ROBO2: variants seen among roughly 807,000 people sequenced by gnomAD.
The protein encoded by ROBO2 is roundabout homolog 2.
Under a neutral mutation model 160.8 loss-of-function variants are expected in ROBO2, and 53 were observed. The observed-to-expected ratio is 0.33, with a 90% CI of 0.26 to 0.41. The LOEUF is 0.41. ROBO2 is among the 10% of genes least tolerant of loss of function. The pLI, the probability that ROBO2 is intolerant of heterozygous loss-of-function variation, is 1.00. For missense variants in ROBO2, 1,577 were observed against 1,722.4 expected, an observed-to-expected ratio of 0.92 and a Z score of 1.49; for synonymous variants, 664 against 611.7, an observed-to-expected ratio of 1.09 and a Z score of -1.26.
intron 2 of ROBO2, among the ~76,000 whole-genome samples, chr3:77,415,152 T>A (rs1486933469): frequency 6.6e-6 from 1 of 152,114 alleles, no homozygotes; most frequent in Non-Finnish European, 1.5e-5. Context: ...AGTGCAGAAA[T>A]AGGGAAATAA....
chr3:76,371,211 G>A (rs1390869535), intron 2 of ROBO2, among the ~76,000 whole-genome samples: 1 of 151,908 alleles, frequency 6.6e-6, no homozygotes, highest in Non-Finnish European at 1.5e-5. Context: ...GAAGAAGTTT[G>A]CTTCATTAAA....
chr3:76,290,006 G>GA (rs1202370340), intron 2 of ROBO2, among the ~76,000 whole-genome samples: 16 of 151,768 alleles, frequency 1.1e-4, no homozygotes, highest in Admixed American at 1.1e-3. Context: ...TTTTAGAATA[G>GA]TTTTTTTTCC....
chr3:77,095,137 A>C (rs2070872677), intron 1 of ROBO2, among the ~76,000 whole-genome samples: 1 of 152,028 alleles, frequency 6.6e-6, no homozygotes, highest in African/African-American at 2.4e-5. Flanking sequence ...TCTTGTAATC[A>C]TTTCATAGTT....
At chr3:76,510,154 T>C (rs1577751117) in intron 2 of ROBO2, among the ~76,000 whole-genome samples, 1 of 152,170 alleles carries the variant, frequency 6.6e-6, no homozygotes, top group East Asian at 1.9e-4. Context: ...TCACTGTGAT[T>C]TCTTGCTTAT....
chr3:77,256,902 T>C (rs939199114), intron 2 of ROBO2, among the ~76,000 whole-genome samples: 7 of 152,222 alleles, frequency 4.6e-5, no homozygotes, highest in African/African-American at 1.7e-4. Flanking sequence ...ACACTGCTAA[T>C]GAAAGCCCTC....
chr3:76,897,812 A>T (rs2074923319), intron 2 of ROBO2, among the ~76,000 whole-genome samples: 4 of 151,352 alleles, frequency 2.6e-5, no homozygotes. Flanking sequence ...CTTTCTCTTC[A>T]TTTGTCTGTC....
chr3:77,110,483 A>T (rs894254681), intron 2 of ROBO2, among the ~76,000 whole-genome samples: 1 of 151,884 alleles, frequency 6.6e-6, no homozygotes, highest in African/African-American at 2.4e-5. Context: ...TTAAAAATGA[A>T]TCAAAGGAGG....
At chr3:76,143,590 A>G in intron 2 of ROBO2, among the ~76,000 whole-genome samples, 1 of 152,066 alleles carries the variant, frequency 6.6e-6, no homozygotes, top group East Asian at 1.9e-4. Context: ...TTTAAATCTA[A>G]TCAATTTATG....
intron 2 of ROBO2, among the ~76,000 whole-genome samples, chr3:76,386,632 C>T (rs181464294): frequency 6.6e-6 from 1 of 152,060 alleles, no homozygotes; most frequent in East Asian, 1.9e-4. Context: ...AGGTAATTTT[C>T]CAAGTATAAT....
chr3:77,116,692 G>T (rs2074238242), intron 2 of ROBO2, among the ~76,000 whole-genome samples: 1 of 152,220 alleles, frequency 6.6e-6, no homozygotes, highest in South Asian at 2.1e-4. Context: ...GAAAGGGGTA[G>T]AGATGATGGA....
intron 2 of ROBO2, among the ~76,000 whole-genome samples, chr3:76,398,439 A>C (rs1474476455): frequency 6.6e-6 from 1 of 151,990 alleles, no homozygotes; most frequent in African/African-American, 2.4e-5. Context: ...ACTAACCTGC[A>C]CATTGTGCAC....
At chr3:77,142,873 G>A (rs1024243864) in intron 2 of ROBO2, among the ~76,000 whole-genome samples, 22 of 152,120 alleles carry the variant, frequency 1.4e-4, no homozygotes, top group African/African-American at 7.2e-5. Flanking sequence ...GCGACCTGTC[G>A]CTAGTAGCCC....
intron 2 of ROBO2, among the ~76,000 whole-genome samples, chr3:76,493,742 C>G (rs1034380298): frequency 6.6e-6 from 1 of 152,038 alleles, no homozygotes; most frequent in African/African-American, 2.4e-5. Context: ...GTCCCTGACC[C>G]CTTTGCTAAG....
intron 2 of ROBO2, among the ~76,000 whole-genome samples, chr3:77,445,794 GT>G (rs199914360): frequency 0.033 from 3,999 of 122,934 alleles, 50 homozygotes; most frequent in African/African-American, 0.095. Flanking sequence ...GTTTTTTTTT[GT>G]TTTTTTTTTT....
At chr3:76,095,713 A>G (rs2069413860) in intron 2 of ROBO2, among the ~76,000 whole-genome samples, 1 of 151,248 alleles carries the variant, frequency 6.6e-6, no homozygotes. Flanking sequence ...TATGGCACAT[A>G]TATTATGAAT....
At chr3:76,481,427 A>G (rs2079198787) in intron 2 of ROBO2, among the ~76,000 whole-genome samples, 1 of 152,184 alleles carries the variant, frequency 6.6e-6, no homozygotes, top group Non-Finnish European at 1.5e-5. Flanking sequence ...GACACTGAGC[A>G]ACTGGAACAT....
chr3:75,928,220 G>A (rs1462800911), intron 1 of ROBO2, among the ~76,000 whole-genome samples: 2 of 151,878 alleles, frequency 1.3e-5, no homozygotes, highest in East Asian at 1.9e-4. Flanking sequence ...TCCTGACCTC[G>A]TGATCCACAC....
At chr3:75,972,203 G>A (rs1041000345) in intron 2 of ROBO2, among the ~76,000 whole-genome samples, 2 of 151,572 alleles carry the variant, frequency 1.3e-5, no homozygotes, top group Non-Finnish European at 3.0e-5. Flanking sequence ...ATTAAGACAA[G>A]CACTTTTAAG....
chr3:76,760,957 A>G (rs986872306), intron 2 of ROBO2, among the ~76,000 whole-genome samples: 3 of 151,196 alleles, frequency 2.0e-5, no homozygotes, highest in Non-Finnish European at 4.4e-5. Context: ...TAAGTATTTG[A>G]TTGGAAAATG....
Sources: gnomAD v4.1 joint callset for allele counts (sites outside exome capture counted in the v4.1 genomes callset) on GRCh38, gnomAD v4.1.1 for gene constraint, MANE v1.5 for transcripts, NCBI Gene and HGNC (gene_info 2026-07-23, HGNC 2026-07-21) for gene names.